Variants in HPSE2 observed in about 807,000 individuals in gnomAD.
HPSE2 encodes the protein heparanase 2 (inactive).
Under a neutral mutation model 60.5 loss-of-function variants are expected in HPSE2, and 38 were observed. That is an observed-to-expected ratio of 0.63 (90% CI 0.48 to 0.82). The LOEUF (loss-of-function observed/expected upper bound fraction) is 0.82. Among genes scored for constraint, HPSE2 ranks in the 40% least tolerant of loss-of-function variants. The probability of loss-of-function intolerance (pLI) is 0.00; values close to 1 mark genes in which losing one functional copy is unlikely to be tolerated. For synonymous variants in HPSE2, 295 were observed against 293.2 expected (o/e 1.01, Z -0.06); for missense variants, 713 against 740.4 (o/e 0.96, Z 0.43).
intron 3 of HPSE2, among the ~76,000 whole-genome samples, chr10:99,053,350 G>A (rs1050807715): frequency 1.3e-5 from 2 of 148,318 alleles, no homozygotes; most frequent in African/African-American, 2.4e-5. Context: ...AATCTCTAGA[G>A]CAACCACTAA....
intron 3 of HPSE2, among the ~76,000 whole-genome samples, chr10:99,115,913 G>A (rs1372981683): frequency 1.3e-5 from 2 of 152,134 alleles, no homozygotes; most frequent in Non-Finnish European, 2.9e-5. Context: ...CATGGCCATT[G>A]ACTTTTACAC....
intron 2 of HPSE2, among the ~76,000 whole-genome samples, chr10:99,198,023 A>G (rs1404600778): frequency 6.6e-6 from 1 of 151,760 alleles, no homozygotes; most frequent in Non-Finnish European, 1.5e-5. Flanking sequence ...GTGAGCCAAG[A>G]TCGTGCCACA....
chr10:98,526,024 G>C (rs1388077061), intron 9 of HPSE2, among the ~76,000 whole-genome samples: 1 of 152,078 alleles, frequency 6.6e-6, no homozygotes, highest in Non-Finnish European at 1.5e-5. Context: ...ATATACCCTC[G>C]TTACTCTGTA....
chr10:98,987,171 C>T (rs999897542), intron 3 of HPSE2, among the ~76,000 whole-genome samples: 1 of 151,994 alleles, frequency 6.6e-6, no homozygotes, highest in African/African-American at 2.4e-5. Context: ...GATACCAAAG[C>T]CTGGCAGAGA....
intron 9 of HPSE2, among the ~76,000 whole-genome samples, chr10:98,495,284 C>T (rs1941795251): frequency 6.6e-6 from 1 of 151,980 alleles, no homozygotes; most frequent in Admixed American, 6.6e-5. Context: ...TTATATTTGG[C>T]AATTCACTTC....
chr10:98,462,365 G>C (rs1940331326), intron 11 of HPSE2, among the ~76,000 whole-genome samples: 1 of 152,100 alleles, frequency 6.6e-6, no homozygotes, highest in Non-Finnish European at 1.5e-5. Context: ...TTTTAGTAGA[G>C]ACGGGGTTTC....
At chr10:98,780,008 T>C (rs1006961171) in intron 3 of HPSE2, among the ~76,000 whole-genome samples, 1 of 152,056 alleles carries the variant, frequency 6.6e-6, no homozygotes, top group African/African-American at 2.4e-5. Flanking sequence ...TCCTTCAAGC[T>C]CAGATTTCTC....
chr10:98,571,224 G>T (rs899760504), intron 9 of HPSE2, among the ~76,000 whole-genome samples: 21 of 152,104 alleles, frequency 1.4e-4, no homozygotes, highest in African/African-American at 4.1e-4. Context: ...ATGGGGACCT[G>T]CCAGGCATGT....
chr10:98,697,171 T>A (rs1170435797), intron 5 of HPSE2, among the ~76,000 whole-genome samples: 1 of 152,114 alleles, frequency 6.6e-6, no homozygotes, highest in Admixed American at 6.5e-5. Flanking sequence ...TTGACAGAAG[T>A]AGGCTTCATT....
Position 98,970,725 on chromosome 10 carries a change from G to C in HPSE2, c.610+173513C>G, listed in dbSNP as rs1000069157. 3.3e-5 allele frequency among the ~76,000 whole-genome samples: 5 copies of C among 152,084 alleles called. No individual in the cohort carries two copies. In the East Asian group the frequency reaches 7.7e-4, roughly 23 times the overall value. ...CTGAAACCACCCTGTGACTTCATGAGAGAAAGAGCTTTATTTCAAGATCAG... is the reference window on the plus strand; with the variant it reads ...CTGAAACCACCCTGTGACTTCATGACAGAAAGAGCTTTATTTCAAGATCAG... On this transcript the variant is annotated intron_variant, in intron 3 of 11. Transcript: ENST00000370552.
At chr10:98,740,838 G>T (rs1949478507) in intron 4 of HPSE2, among the ~76,000 whole-genome samples, 1 of 152,130 alleles carries the variant, frequency 6.6e-6, no homozygotes, top group Admixed American at 6.6e-5. Flanking sequence ...AGCAGAAATG[G>T]CTAGAATATT....
chr10:98,860,215 A>C (rs1046114294), intron 3 of HPSE2, among the ~76,000 whole-genome samples: 9 of 152,168 alleles, frequency 5.9e-5, no homozygotes, highest in African/African-American at 2.2e-4. Context: ...TTCTTATAAA[A>C]TATTATTACA....
chr10:98,735,822 A>T (rs1285971972), intron 4 of HPSE2, among the ~76,000 whole-genome samples: 1 of 152,124 alleles, frequency 6.6e-6, no homozygotes, highest in Non-Finnish European at 1.5e-5. Flanking sequence ...TCTACCATTT[A>T]TCTAGGAAGT....
chr10:98,568,740 CA>C (rs1179242873), intron 9 of HPSE2, among the ~76,000 whole-genome samples: 1 of 152,134 alleles, frequency 6.6e-6, no homozygotes, highest in Non-Finnish European at 1.5e-5. Flanking sequence ...CTAGCCACAC[CA>C]GGATGTTTTT....
At position 98,584,321 on chromosome 10, in the gene HPSE2, G is replaced by A. The variant is rs1003353060; in HGVS notation, c.1320+30583C>T. Among the ~76,000 whole-genome samples, 3 of 152,100 alleles carry A rather than the reference G, an allele frequency of 2.0e-5. No individual in the cohort carries two copies. The South Asian group carries it at 6.2e-4, about 32-fold the overall frequency. On this transcript the variant is annotated intron_variant, in intron 9 of 11. Transcript: ENST00000370552. Reference sequence around the variant, plus strand: ...TGGACTGAATCTTCCCCTGTGTAAGGGCAGAAATAAGAAATTGGATGGTTG... The same window carrying A: ...TGGACTGAATCTTCCCCTGTGTAAGAGCAGAAATAAGAAATTGGATGGTTG...
At chr10:98,631,782 A>C (rs1946371548) in intron 7 of HPSE2, among the ~76,000 whole-genome samples, 2 of 152,244 alleles carry the variant, frequency 1.3e-5, no homozygotes, top group Admixed American at 6.5e-5. Flanking sequence ...AATGGAATCC[A>C]GTAGATCAAT....
At chr10:99,270,399 T>A in the HPSE2 span, among the ~76,000 whole-genome samples, 1 of 152,108 alleles carries the variant, frequency 6.6e-6, no homozygotes, top group Non-Finnish European at 1.5e-5. Context: ...AGGAGATGGA[T>A]AAATTCCTGG....
At chr10:98,939,710 C>T (rs1303479368) in intron 3 of HPSE2, among the ~76,000 whole-genome samples, 1 of 143,714 alleles carries the variant, frequency 7.0e-6, no homozygotes, top group Non-Finnish European at 1.5e-5. Context: ...AGGAACTGAA[C>T]TCAGCTCTGC....
At chr10:98,842,179 A>T (rs1315584241) in intron 3 of HPSE2, among the ~76,000 whole-genome samples, 1 of 152,214 alleles carries the variant, frequency 6.6e-6, no homozygotes, top group East Asian at 1.9e-4. Context: ...ACATGCATCC[A>T]CTATTGTAAT....
Sources: gnomAD v4.1 joint callset for allele counts (sites outside exome capture counted in the v4.1 genomes callset) on GRCh38, gnomAD v4.1.1 for gene constraint, MANE v1.5 for transcripts, NCBI Gene and HGNC (gene_info 2026-07-23, HGNC 2026-07-21) for gene names.